Variants in IFI16 observed in about 807,000 individuals in gnomAD.
The protein encoded by IFI16 is interferon gamma inducible protein 16.
In IFI16, 49 loss-of-function variants were observed where a neutral mutation model predicts 68.4. The observed-to-expected ratio is 0.72, with a 90% CI of 0.57 to 0.91. The LOEUF is 0.91. Ranked by LOEUF, IFI16 falls within the 40% of genes least tolerant of loss-of-function variation. The pLI is 0.00. For synonymous variants in IFI16, 307 were observed against 315.0 expected, an observed-to-expected ratio of 0.97 and a Z score of 0.27; for missense variants, 878 against 942.9, an observed-to-expected ratio of 0.93 and a Z score of 0.90.
intron 7 of IFI16, among the ~76,000 whole-genome samples, chr1:159,036,305 C>T (rs1287807261): frequency 6.6e-6 from 1 of 152,268 alleles, no homozygotes; most frequent in African/African-American, 2.4e-5. Flanking sequence ...AAATATTTCT[C>T]AAAATTCACA....
At chr1:159,035,120 C>T (rs1354623788) in intron 7 of IFI16, among the ~76,000 whole-genome samples, 2 of 152,214 alleles carry the variant, frequency 1.3e-5, no homozygotes, top group African/African-American at 4.8e-5. Flanking sequence ...TGTACACATC[C>T]TGGAAGAGAA....
chr1:159,041,092 C>G (rs1480842139), intron 7 of IFI16, among the ~76,000 whole-genome samples: 1 of 152,190 alleles, frequency 6.6e-6, no homozygotes, highest in Non-Finnish European at 1.5e-5. Flanking sequence ...TCCTGCAGCC[C>G]TCTCACCTAC....
In IFI16 at chr1:159,051,917, A is replaced by G. The variant is rs978437215; in HGVS notation, c.1904A>G (p.Tyr635Cys). The G allele has an allele frequency of 3.7e-6, 6 of 1,613,994 alleles. No homozygotes were observed. Among genetic ancestry groups the G allele is most frequent in the African/African-American group, 1.3e-5 (1 of 74,914 alleles). The change falls in exon 10 of 12, where the codon TAT (tyrosine) becomes TGT (cysteine). Residue 635 changes from tyrosine to cysteine, a missense_variant. Physicochemically the swap from Tyr to Cys is radical, Grantham distance 194 (BLOSUM62 -2). Transcript: ENST00000295809. The part of the protein sequence containing the change: ...TPKKIIAIAN[Y>C]VCRNGFLEVY... ...AAGAAGATCATTGCCATAGCAAATT[A>G]TGTTTGCCGCAATGGGTTCCTGGAG...
chr1:159,040,937 G>A (rs911305433), intron 7 of IFI16, among the ~76,000 whole-genome samples: 4 of 152,174 alleles, frequency 2.6e-5, no homozygotes, highest in African/African-American at 9.7e-5. Context: ...ATTTACATGT[G>A]TGTGTACACT....
Position 159,015,925 on chromosome 1 carries a change from C to A in IFI16, c.319C>A (p.Pro107Thr). The A allele has an allele frequency of 6.2e-7, 1 of 1,614,120 alleles. No homozygotes were observed. The stretch of plus-strand genomic sequence containing the variant: ...GAAGAAGGAAGTGGATGCTACTTCA[C>A]CTGCACCCTCCACAAGCAGCACTGT... ...KRKKEVDATS[P>T]APSTSSTVKT... The change falls in exon 3 of 12, where the codon CCT becomes ACT. Residue 107 changes from proline (P) to threonine (T), a missense_variant. Coordinates refer to ENST00000295809, the MANE Select transcript of IFI16 (RefSeq NM_001376587.1).
chr1:159,037,290 A>G (rs1376201994), intron 7 of IFI16, among the ~76,000 whole-genome samples: 3 of 152,206 alleles, frequency 2.0e-5, no homozygotes, highest in Admixed American at 6.5e-5. Flanking sequence ...ACGTGTCTCC[A>G]TGGCCGCCGA....
At chr1:159,001,248 A>C (rs1049675541), upstream of IFI16, among the ~76,000 whole-genome samples, 1 of 152,180 alleles carries the variant, frequency 6.6e-6, no homozygotes, top group African/African-American at 2.4e-5. Context: ...GGTGCTCAAA[A>C]TTACCAGTAT....
At chr1:159,049,714 C>G (rs1655224479) in intron 9 of IFI16, 115 bp downstream of exon 9, 4 of 1,095,766 alleles carry the variant, frequency 3.7e-6, no homozygotes, top group Admixed American at 2.5e-5. Context: ...TTAATTTAAC[C>G]AAATCAGTCA....
At chr1:159,021,615 C>T (rs1210581972) in intron 6 of IFI16, among the ~76,000 whole-genome samples, 1 of 152,102 alleles carries the variant, frequency 6.6e-6, no homozygotes, top group East Asian at 1.9e-4. Flanking sequence ...TGGGTAGATA[C>T]CCAGTAGTGG....
chr1:159,030,468 T>C (rs1557872113), intron 6 of IFI16, among the ~76,000 whole-genome samples: 1 of 151,972 alleles, frequency 6.6e-6, no homozygotes, highest in African/African-American at 2.4e-5. Flanking sequence ...GCTGTTAGGA[T>C]TTTTTTTGTC....
chr1:159,014,356 A>G (rs377766390), intron 1 of IFI16, among the ~76,000 whole-genome samples: 1 of 152,160 alleles, frequency 6.6e-6, no homozygotes, highest in African/African-American at 2.4e-5. Context: ...AAGAAGAGGA[A>G]CCAAGGGCTT....
At chr1:159,030,876 T>G (rs1182784964) in intron 6 of IFI16, among the ~76,000 whole-genome samples, 11 of 148,560 alleles carry the variant, frequency 7.4e-5, no homozygotes, top group East Asian at 2.0e-4. Context: ...AGGTGGTGGG[T>G]GGGGGGGCCA....
chr1:159,014,058 A>G (rs530438445), intron 1 of IFI16, among the ~76,000 whole-genome samples: 3 of 152,342 alleles, frequency 2.0e-5, no homozygotes, highest in Non-Finnish European at 4.4e-5. Flanking sequence ...TGCACTAGAA[A>G]GCATGCAGAT....
chr1:159,053,819 C>T (rs1405796935), intron 11 of IFI16, 95 bp downstream of exon 11: 1 of 934,888 alleles, frequency 1.1e-6, no homozygotes, highest in African/African-American at 1.7e-5. Flanking sequence ...GAGAGTCTAG[C>T]AAGTGGAAAA....
At chr1:159,003,080 A>T (rs543652359), upstream of IFI16, among the ~76,000 whole-genome samples, 19 of 152,388 alleles carry the variant, frequency 1.2e-4, no homozygotes, top group Admixed American at 3.9e-4. Context: ...TATAACATAT[A>T]TTTAATAAAA....
chr1:159,054,097 T>C (rs1655533065), intron 11 of IFI16, among the ~76,000 whole-genome samples: 1 of 152,200 alleles, frequency 6.6e-6, no homozygotes, highest in Middle Eastern at 3.2e-3. Flanking sequence ...GTTCATCATT[T>C]GTGAAATGGG....
intron 7 of IFI16, among the ~76,000 whole-genome samples, chr1:159,042,121 C>T (rs1337300438): frequency 6.6e-6 from 1 of 152,128 alleles, no homozygotes; most frequent in African/African-American, 2.4e-5. Flanking sequence ...CTCTGGTGTC[C>T]AGCCAGCCCC....
intron 7 of IFI16, among the ~76,000 whole-genome samples, chr1:159,033,360 G>A (rs1432432553): frequency 6.6e-6 from 1 of 152,152 alleles, no homozygotes; most frequent in Non-Finnish European, 1.5e-5. Flanking sequence ...TTGATCTGAG[G>A]TTTTCCTTAA....
intron 2 of IFI16, 77 bp downstream of exon 2, chr1:159,015,022 G>A (rs1159538191): frequency 9.0e-6 from 12 of 1,333,114 alleles, no homozygotes; most frequent in East Asian, 4.6e-5. Flanking sequence ...GCCCCACCTC[G>A]GACATACTTG....
Sources: allele counts gnomAD v4.1 joint callset (sites outside exome capture counted in the v4.1 genomes callset), GRCh38; gene constraint gnomAD v4.1.1; transcripts MANE v1.5; gene names NCBI Gene and HGNC (gene_info 2026-07-23, HGNC 2026-07-21).